The following MEIG1 variants were observed in gnomAD, a reference collection of about 807,000 sequenced individuals.
MEIG1 encodes the protein meiosis/spermiogenesis associated 1.
MEIG1 carries 12 observed loss-of-function variants against 11.3 expected under a neutral mutation model. The ratio of observed to expected loss-of-function variants is 1.07; its 90% CI spans 0.68 to 1.73. The LOEUF (loss-of-function observed/expected upper bound fraction) is 1.73, where lower values mean the gene tolerates loss of function less well. MEIG1 is among the 40% of genes most tolerant of loss of function. The probability of loss-of-function intolerance (pLI) is 0.00; values close to 1 mark genes in which losing one functional copy is unlikely to be tolerated. For synonymous variants in MEIG1, 41 were observed against 33.2 expected, an observed-to-expected ratio of 1.24 and a Z score of -0.81; for missense variants, 119 against 104.9, an observed-to-expected ratio of 1.13 and a Z score of -0.59.
intron 1 of MEIG1, among the ~76,000 whole-genome samples, chr10:14,983,102 C>T (rs1843281539): frequency 6.6e-6 from 1 of 152,010 alleles, no homozygotes; most frequent in Admixed American, 6.6e-5. Flanking sequence ...GATATTGCTC[C>T]TAATGTTCAG....
At chr10:14,962,666 C>A (rs931881624) in intron 1 of MEIG1, among the ~76,000 whole-genome samples, 1 of 151,144 alleles carries the variant, frequency 6.6e-6, no homozygotes, top group South Asian at 2.1e-4. Context: ...ATAGATAAGA[C>A]AAAAATTAAG....
chr10:14,974,344 G>GTGGGTC (rs1843188319), downstream of MEIG1, among the ~76,000 whole-genome samples: 1 of 152,186 alleles, frequency 6.6e-6, no homozygotes, highest in South Asian at 2.1e-4. Context: ...AGGTGGGGTT[G>GTGGGTC]TGGGTCTGGA....
chr10:14,960,183 A>C (rs1037786600), intron 1 of MEIG1, among the ~76,000 whole-genome samples: 1 of 152,208 alleles, frequency 6.6e-6, no homozygotes, highest in African/African-American at 2.4e-5. Flanking sequence ...GCCTAAGGTT[A>C]CGTGCTGGTT....
chr10:14,971,262 A>G (rs1843146952), intron 2 of MEIG1, among the ~76,000 whole-genome samples: 1 of 150,486 alleles, frequency 6.6e-6, no homozygotes, highest in Non-Finnish European at 1.5e-5. Flanking sequence ...TGGTAGAAGA[A>G]ATTAAAAAAA....
At chr10:14,987,190 C>A in intron 2 of MEIG1, 2 of 974,946 alleles carry the variant, frequency 2.1e-6, no homozygotes, top group South Asian at 1.3e-5. Flanking sequence ...TGTCCACAGT[C>A]ACCTTGGGAA....
chr10:14,981,996 G>T (rs1351116711), intron 1 of MEIG1, among the ~76,000 whole-genome samples: 5 of 152,116 alleles, frequency 3.3e-5, no homozygotes, highest in Non-Finnish European at 7.4e-5. Flanking sequence ...TCTCATCATT[G>T]TGATGTATTC....
At chr10:14,963,293 C>G (rs1843037265) in intron 1 of MEIG1, among the ~76,000 whole-genome samples, 1 of 151,818 alleles carries the variant, frequency 6.6e-6, no homozygotes, top group South Asian at 2.1e-4. Context: ...ACGGGTTTCT[C>G]CATGTTGGTC....
chr10:14,971,112 G>A (rs1843143334), intron 2 of MEIG1, among the ~76,000 whole-genome samples: 1 of 151,838 alleles, frequency 6.6e-6, no homozygotes, highest in South Asian at 2.1e-4. Context: ...GATGACTGGG[G>A]ACAGTGGCTC....
chr10:14,970,657 T>G (rs546954271), intron 2 of MEIG1: 1 of 152,360 alleles, frequency 6.6e-6, no homozygotes, highest in South Asian at 2.1e-4. Context: ...CTGTTACCTA[T>G]TCTCGCTAAT....
chr10:14,972,085 A>G (rs7895669), intron 2 of MEIG1, among the ~76,000 whole-genome samples: 100,573 of 151,088 alleles, frequency 0.67, 33,642 homozygotes, highest in Admixed American at 0.69. Flanking sequence ...CGCCATCTAG[A>G]GTCACTGCAA....
At chr10:14,974,714 C>T (rs1970513), downstream of MEIG1, among the ~76,000 whole-genome samples, 100,980 of 151,810 alleles carry the variant, frequency 0.67, 33,771 homozygotes, top group Admixed American at 0.69. Flanking sequence ...GTTATACTCA[C>T]GATAACAATA....
chr10:14,975,868 G>A (rs1002640013), downstream of MEIG1, among the ~76,000 whole-genome samples: 55 of 152,252 alleles, frequency 3.6e-4, no homozygotes, highest in African/African-American at 1.7e-4. Flanking sequence ...GCCGCTGGGG[G>A]CAGAAACACT....
chr10:14,966,754 T>A, intron 2 of MEIG1, 148 bp downstream of exon 2: 1 of 829,724 alleles, frequency 1.2e-6, no homozygotes. Context: ...TTTATTTTAT[T>A]TTTTGAGACA....
intron 1 of MEIG1, among the ~76,000 whole-genome samples, chr10:14,982,153 G>C (rs566982973): frequency 2.6e-5 from 4 of 152,136 alleles, no homozygotes; most frequent in East Asian, 1.9e-4. Context: ...ACAGTCTCTC[G>C]TATAATTGTG....
downstream of MEIG1, among the ~76,000 whole-genome samples, chr10:14,977,767 G>A (rs561241784): frequency 6.6e-5 from 10 of 151,836 alleles, no homozygotes; most frequent in African/African-American, 2.2e-4. Flanking sequence ...AATATCATAG[G>A]GAGATATTCC....
intron 1 of MEIG1, among the ~76,000 whole-genome samples, chr10:14,965,131 G>A (rs1843065283): frequency 6.6e-6 from 1 of 151,800 alleles, no homozygotes; most frequent in African/African-American, 2.4e-5. Context: ...TAAACATAAT[G>A]AGCATTTGTT....
upstream of MEIG1, among the ~76,000 whole-genome samples, chr10:14,958,733 A>G (rs1842976078): frequency 1.3e-5 from 2 of 152,056 alleles, no homozygotes; most frequent in South Asian, 4.2e-4. Flanking sequence ...CGTCTCTACT[A>G]AAAATACAAA....
chr10:14,965,327 C>T (rs187834812), intron 1 of MEIG1, among the ~76,000 whole-genome samples: 2 of 152,178 alleles, frequency 1.3e-5, no homozygotes, highest in East Asian at 3.9e-4. Flanking sequence ...GCTGAGAAAA[C>T]AAGTGTAAGA....
chr10:14,973,769 C>CAA (rs59507280), downstream of MEIG1, among the ~76,000 whole-genome samples: 52 of 90,466 alleles, frequency 5.7e-4, 1 homozygote, highest in African/African-American at 1.8e-3. Context: ...GACTCCATCT[C>CAA]AAAAAAAAAA....
Sources: gnomAD v4.1 joint callset for allele counts (sites outside exome capture counted in the v4.1 genomes callset) on GRCh38, gnomAD v4.1.1 for gene constraint, MANE v1.5 for transcripts, NCBI Gene and HGNC (gene_info 2026-07-23, HGNC 2026-07-21) for gene names.